The following ZNF438 variants were observed in gnomAD, a reference collection of about 807,000 sequenced individuals.
ZNF438 encodes zinc finger protein 438.
Under a neutral mutation model 38.0 loss-of-function variants are expected in ZNF438, and 25 were observed. The ratio of observed to expected loss-of-function variants is 0.66; its 90% CI spans 0.48 to 0.92. The LOEUF (loss-of-function observed/expected upper bound fraction) is 0.92, where lower values mean the gene tolerates loss of function less well. ZNF438 is among the 40% of genes least tolerant of loss of function. The pLI, the probability that ZNF438 is intolerant of heterozygous loss-of-function variation, is 0.00. For missense variants in ZNF438, 1,007 were observed against 999.6 expected, an observed-to-expected ratio of 1.01 and a Z score of -0.10; for synonymous variants, 372 against 364.1, an observed-to-expected ratio of 1.02 and a Z score of -0.25.
chr10:30,863,281 G>A (rs1294187049), intron 4 of ZNF438, among the ~76,000 whole-genome samples: 2 of 152,154 alleles, frequency 1.3e-5, no homozygotes, highest in Non-Finnish European at 2.9e-5. Flanking sequence ...CTGACACTTT[G>A]AAGAAAATAA....
chr10:30,875,197 T>C (rs897620129), intron 4 of ZNF438: 2 of 950,078 alleles, frequency 2.1e-6, no homozygotes, highest in Non-Finnish European at 2.5e-6. Context: ...GCTTATGTGA[T>C]AGCCCAGAGA....
At chr10:30,887,990 T>C (rs2133945999) in intron 3 of ZNF438, among the ~76,000 whole-genome samples, 1 of 152,362 alleles carries the variant, frequency 6.6e-6, no homozygotes, top group South Asian at 2.1e-4. Context: ...TGCTGAATCA[T>C]ATTCCATTAT....
chr10:30,886,566 C>G (rs1007857591), intron 3 of ZNF438, among the ~76,000 whole-genome samples: 1 of 152,190 alleles, frequency 6.6e-6, no homozygotes, highest in Non-Finnish European at 1.5e-5. Context: ...GCTCAGAATA[C>G]TTAAATTAGC....
At chr10:30,993,719 C>G (rs2053751045) in intron 1 of ZNF438, among the ~76,000 whole-genome samples, 1 of 152,244 alleles carries the variant, frequency 6.6e-6, no homozygotes. Flanking sequence ...AGGAATGCTG[C>G]TGAGATCCCA....
At chr10:31,015,674 T>C (rs1279254647) in intron 1 of ZNF438, among the ~76,000 whole-genome samples, 3 of 152,116 alleles carry the variant, frequency 2.0e-5, no homozygotes. Context: ...GCATTATTTA[T>C]AGAAGGAAAA....
chr10:31,021,820 A>G (rs1052332768), intron 1 of ZNF438, among the ~76,000 whole-genome samples: 1 of 152,210 alleles, frequency 6.6e-6, no homozygotes, highest in Admixed American at 6.5e-5. Flanking sequence ...AAGGAGACTC[A>G]AAAATGAGGA....
At chr10:30,899,152 G>A (rs761513492) in intron 3 of ZNF438, among the ~76,000 whole-genome samples, 14 of 152,080 alleles carry the variant, frequency 9.2e-5, no homozygotes, top group Non-Finnish European at 1.9e-4. Flanking sequence ...GTGCAAGTCT[G>A]TCACATTCTT....
intron 2 of ZNF438, chr10:30,923,348 C>T (rs1589218269): frequency 6.6e-6 from 1 of 152,144 alleles, no homozygotes; most frequent in South Asian, 2.1e-4. Context: ...TTCTCTTGTA[C>T]TCCTTCCAAT....
At position 30,872,865 on chromosome 10, in the gene ZNF438, C is replaced by G. The variant is rs532020397; in HGVS notation, c.37+4133G>C. 3.9e-4 allele frequency among the ~76,000 whole-genome samples: 60 copies of G among 152,040 alleles called. 3 individuals are homozygous for G. In the South Asian group the frequency reaches 0.012, roughly 31 times the overall value. ...CTTGCATTAACCAACTGTGTAGGAA[C>G]TTAAAATTCATTCTGACTACCCAAG... On this transcript the variant is annotated intron_variant, in intron 4 of 5. Coordinates refer to ENST00000413025, the Ensembl canonical transcript of ZNF438.
chr10:30,923,808 G>A (rs1025610318), intron 2 of ZNF438, among the ~76,000 whole-genome samples: 1 of 152,188 alleles, frequency 6.6e-6, no homozygotes, highest in Admixed American at 6.5e-5. Context: ...ATTTTGGGAT[G>A]ATTGCTCTTC....
In ZNF438 at chr10:30,849,234, CT is replaced by C; in HGVS notation, c.1170del (p.Asp391MetfsTer25). The C allele has an allele frequency of 6.2e-7, 1 of 1,614,114 alleles. No individual in the cohort carries two copies. The highest frequency in any genetic ancestry group is 8.5e-7 in the Non-Finnish European group (1 of 1,180,038). ...TTTCCCTGAAATGCCAAAATTTCAT[CT>C]GGTACCTTCCGTTTTCTTCCTTTTC... is the stretch of plus-strand genomic sequence containing the variant. On this transcript the variant is annotated frameshift_variant, in exon 5 of 6. Transcript: ENST00000413025. LOFTEE classifies it high-confidence loss of function.
At chr10:30,845,947 A>G (rs949889334) in intron 5 of ZNF438, among the ~76,000 whole-genome samples, 9 of 152,106 alleles carry the variant, frequency 5.9e-5, no homozygotes, top group Non-Finnish European at 1.0e-4. Context: ...TAACGGTCCC[A>G]CCCTACCCAC....
At chr10:30,849,709 G>T in exon 5 of ZNF438, 3 of 1,614,206 alleles carry the variant, frequency 1.9e-6, no homozygotes, top group Non-Finnish European at 2.5e-6. Flanking sequence ...GAGCTGTGAG[G>T]TCCTGCTTGG....
chr10:31,003,004 C>T (rs1292996147), intron 1 of ZNF438, among the ~76,000 whole-genome samples: 3 of 152,148 alleles, frequency 2.0e-5, no homozygotes, highest in Admixed American at 1.3e-4. Flanking sequence ...CTTCCTATTA[C>T]AGAAGGCAGT....
intron 4 of ZNF438, among the ~76,000 whole-genome samples, chr10:30,873,544 T>C (rs1338216573): frequency 6.6e-6 from 1 of 152,252 alleles, no homozygotes; most frequent in Non-Finnish European, 1.5e-5. Flanking sequence ...TCCTCCATTT[T>C]GTTTCCTGAC....
intron 1 of ZNF438, among the ~76,000 whole-genome samples, chr10:30,950,987 CA>C (rs2048120392): frequency 1.4e-5 from 2 of 140,178 alleles, no homozygotes; most frequent in East Asian, 3.9e-4. Flanking sequence ...AACATTGATG[CA>C]AAAATCCTCA....
At chr10:31,010,892 G>GAAAAAAAAAAAAAAAAAAAAAAAAAA (rs563189482) in intron 1 of ZNF438, among the ~76,000 whole-genome samples, 2 of 92,594 alleles carry the variant, frequency 2.2e-5, no homozygotes, top group Non-Finnish European at 1.9e-5. Flanking sequence ...GACCCTGTTT[G>GAAAAAAAAAAAAAAAAAAAAAAAAAA]AAAAAAAAAA....
chr10:30,960,503 C>T (rs1280252320), intron 1 of ZNF438, among the ~76,000 whole-genome samples: 2 of 146,902 alleles, frequency 1.4e-5, no homozygotes, highest in South Asian at 2.2e-4. Context: ...TTTCCAGCAC[C>T]ATTTGTTGAA....
chr10:30,988,416 G>A (rs565884260), intron 1 of ZNF438, among the ~76,000 whole-genome samples: 1 of 151,720 alleles, frequency 6.6e-6, no homozygotes, highest in Non-Finnish European at 1.5e-5. Flanking sequence ...TTTTTTTCCA[G>A]GAAAATACAG....
Sources: allele counts gnomAD v4.1 joint callset (sites outside exome capture counted in the v4.1 genomes callset), GRCh38; gene constraint gnomAD v4.1.1; transcripts MANE v1.5; gene names NCBI Gene and HGNC (gene_info 2026-07-23, HGNC 2026-07-21).